Variants in SMARCA4 observed in about 807,000 individuals in gnomAD.
SMARCA4 encodes the protein SWI/SNF related BAF chromatin remodeling complex subunit ATPase 4.
Under a neutral mutation model 193.9 loss-of-function variants are expected in SMARCA4, and 31 were observed. The ratio of observed to expected loss-of-function variants is 0.16; its 90% CI spans 0.12 to 0.22. The LOEUF (loss-of-function observed/expected upper bound fraction) is 0.22, where lower values mean the gene tolerates loss of function less well. Among genes scored for constraint, SMARCA4 ranks in the 10% least tolerant of loss-of-function variants. SMARCA4 has a pLI of 1.00. For synonymous variants in SMARCA4, 942 were observed against 933.1 expected, an observed-to-expected ratio of 1.01 and a Z score of -0.17; for missense variants, 1,148 against 2,296.0, an observed-to-expected ratio of 0.50 and a Z score of 10.22.
At chr19:11,025,137 G>GACTCTGCCTC (rs2090160231) in intron 21 of SMARCA4, among the ~76,000 whole-genome samples, 1 of 152,172 alleles carries the variant, frequency 6.6e-6, no homozygotes, top group East Asian at 1.9e-4. Context: ...AAGCATCGGG[G>GACTCTGCCTC]ACTCTGCCTC....
chr19:10,981,324 A>G (rs1279833977), intron 1 of SMARCA4, among the ~76,000 whole-genome samples: 1 of 152,214 alleles, frequency 6.6e-6, no homozygotes, highest in Non-Finnish European at 1.5e-5. Flanking sequence ...CCCTGCAGAC[A>G]TACCCATGGA....
intron 14 of SMARCA4, among the ~76,000 whole-genome samples, chr19:11,008,572 G>T (rs1214154204): frequency 1.3e-5 from 2 of 152,136 alleles, no homozygotes; most frequent in Non-Finnish European, 2.9e-5. Flanking sequence ...CTGTCCTTTG[G>T]TGACAAGCGT....
chr19:10,993,336 C>T (rs922070147), intron 8 of SMARCA4, among the ~76,000 whole-genome samples: 1 of 152,236 alleles, frequency 6.6e-6, no homozygotes, highest in African/African-American at 2.4e-5. Flanking sequence ...GATGTCTACA[C>T]TGTATTCCAT....
Position 11,058,269 on chromosome 19 carries a change from A to G in SMARCA4, c.4439A>G (p.Gln1480Arg). The G allele has an allele frequency of 6.2e-7, 1 of 1,612,684 alleles. No homozygotes were observed. Among genetic ancestry groups the G allele is most frequent in the Non-Finnish European group, 8.5e-7 (1 of 1,179,752 alleles). ...IKYKDSSSGR[Q>R]LSEVFIQLPS... ...CTGCCTTGCAGCAGCAGTGGACGTCAGCTCAGCGAGGTCTTCATCCAGCTG... is the reference window on the plus strand; with the variant it reads ...CTGCCTTGCAGCAGCAGTGGACGTCGGCTCAGCGAGGTCTTCATCCAGCTG... Residue 1480 changes from glutamine (Q) to arginine (R), a missense_variant, in exon 31 of 35, where the codon CAG becomes CGG. Transcript: ENST00000344626. This position sits in a 1 kb window ranked among gnomAD's most constrained non-coding sequence, Gnocchi z 5.8.
rs1234141614 is a variant in SMARCA4 at position 11,031,847 on chromosome 19, A to G, written c.3546+954A>G. 1 of 152,266 alleles carries G rather than the reference A, an allele frequency of 6.6e-6. No individual in the cohort carries two copies. Among genetic ancestry groups the G allele is most frequent in the Non-Finnish European group, 1.5e-5 (1 of 68,086 alleles). 9.4% of individuals were successfully genotyped at this position (152,266 alleles called of 1,614,324 possible). Reference sequence around the variant, plus strand: ...CAGACATGGGGTCGCTCCACCCCAGACATTGTCCTCTTCGTGTTCTGGTTG... The same window carrying G: ...CAGACATGGGGTCGCTCCACCCCAGGCATTGTCCTCTTCGTGTTCTGGTTG... On this transcript the variant is annotated intron_variant, in intron 25 of 34. Transcript: ENST00000344626. The surrounding 1 kb of genome is among the most constrained non-coding windows in gnomAD (Gnocchi z 4.3).
intron 15 of SMARCA4, chr19:11,011,910 G>A (rs1390555148): frequency 2.0e-5 from 3 of 152,252 alleles, no homozygotes; most frequent in African/African-American, 7.2e-5. Context: ...GGTCAGAAAT[G>A]GAGCAGGTCA....
chr19:10,978,634 C>A (rs1338197323), intron 1 of SMARCA4, among the ~76,000 whole-genome samples: 3 of 150,652 alleles, frequency 2.0e-5, no homozygotes, highest in African/African-American at 4.9e-5. Context: ...CCGATACTTT[C>A]TACTTTTTAA....
Position 11,019,870 on chromosome 19 carries a change from G to A in SMARCA4, c.2616+169G>A, listed in dbSNP as rs1224176720. Among the ~76,000 whole-genome samples, 1 of 152,220 alleles carries A rather than the reference G, an allele frequency of 6.6e-6. No homozygotes were observed. Among genetic ancestry groups the A allele is most frequent in the African/African-American group, 2.4e-5 (1 of 41,464 alleles). On this transcript the variant is annotated intron_variant, in intron 18 of 34. Transcript: ENST00000344626. This position sits in a 1 kb window ranked among gnomAD's most constrained non-coding sequence, Gnocchi z 6.1. The stretch of plus-strand genomic sequence containing the variant: ...AAAGGCCTAGGTGGGGGCGACCTCA[G>A]GTTTACCTCCCTAACTGTCTCCAGG...
rs769607050 is a variant in SMARCA4 at position 10,986,202 on chromosome 19, C to T, written c.369C>T (p.Pro123=). The change falls in exon 4 of 35, where the codon CCC becomes CCT. Residue 123 remains proline (P), a synonymous_variant. Coordinates refer to ENST00000344626, the MANE Select transcript of SMARCA4 (RefSeq NM_003072.5). The surrounding 1 kb of genome is among the most constrained non-coding windows in gnomAD (Gnocchi z 6.7). ...MDQHSQGYPS[P]LGGSEHASSP... is the part of the protein sequence containing the mutation. ...CTTTCTCTGCAGGTTACCCCTCGCC[C>T]CTGGGTGGCTCTGAGCATGCCTCTA... The T allele has an allele frequency of 1.9e-6, 3 of 1,613,868 alleles. No homozygotes were observed. Among genetic ancestry groups the T allele is most frequent in the Non-Finnish European group, 2.5e-6 (3 of 1,179,990 alleles).
intron 13 of SMARCA4, 90 bp downstream of exon 13, chr19:11,003,487 T>A (rs1016021661): frequency 2.4e-6 from 3 of 1,260,752 alleles, no homozygotes; most frequent in Non-Finnish European, 3.5e-6. Flanking sequence ...CTGCCCTGGC[T>A]GGGCATCTTG....
chr19:10,990,409 G>A (rs985517314), intron 7 of SMARCA4, among the ~76,000 whole-genome samples: 4 of 152,156 alleles, frequency 2.6e-5, no homozygotes, highest in Admixed American at 6.6e-5. Flanking sequence ...CTCCTGAGTA[G>A]CTGGGATTAC....
chr19:10,990,333 C>T (rs1199502800), intron 7 of SMARCA4, among the ~76,000 whole-genome samples: 1 of 151,948 alleles, frequency 6.6e-6, no homozygotes, highest in African/African-American at 2.4e-5. Context: ...TTTTGAAGTG[C>T]AGTGGCACAA....
intron 30 of SMARCA4, among the ~76,000 whole-genome samples, chr19:11,049,493 T>G (rs369274526): frequency 0.19 from 28,293 of 151,458 alleles, 3,087 homozygotes; most frequent in Non-Finnish European, 0.25. Flanking sequence ...GTGTTTTTTT[T>G]TTTTTTTTTG....
In SMARCA4 at chr19:10,991,156, C is replaced by T; in HGVS notation, c.1252C>T (p.Gln418Ter). ...RLLNFQRQLR[Q>*]EVVVCMRRDT... Reference sequence around the variant, plus strand: ...GTCCTCTTCCCTCCTACAGCTGCGCCAGGAGGTGGTGGTGTGCATGCGGAG... The same window carrying T: ...GTCCTCTTCCCTCCTACAGCTGCGCTAGGAGGTGGTGGTGTGCATGCGGAG... Residue 418 changes from glutamine to a stop codon, truncating the protein, a stop_gained, in exon 8 of 35, where the codon CAG becomes TAG. Coordinates refer to ENST00000344626, the MANE Select transcript of SMARCA4 (RefSeq NM_003072.5). LOFTEE classifies it high-confidence loss of function. The T allele has an allele frequency of 6.2e-7, 1 of 1,613,530 alleles. No individual in the cohort carries two copies. The highest frequency in any genetic ancestry group is 8.5e-7 in the Non-Finnish European group (1 of 1,179,826).
chr19:10,996,629 A>G (rs2145986074), intron 11 of SMARCA4, 85 bp downstream of exon 11: 1 of 1,295,726 alleles, frequency 7.7e-7, no homozygotes. Flanking sequence ...GTGTTCTTTT[A>G]AAATTACGAA....
rs1244118772 is a variant in SMARCA4 at position 11,022,025 on chromosome 19, T to C, written c.2859+58T>C. On this transcript the variant is annotated intron_variant, in intron 19 of 34. Coordinates refer to ENST00000344626, the MANE Select transcript of SMARCA4 (RefSeq NM_003072.5). ...TTCCAGGTGCGGCTGGCTTTGCTGG[T>C]TGGAACGTGTTGAGCACCAGCTACA... 5.7e-5 allele frequency: 92 copies of C among 1,608,486 alleles called. 2 individuals are homozygous for C. In the South Asian group the frequency reaches 1.0e-3, roughly 18 times the overall value.
In SMARCA4 at chr19:11,033,116, A is replaced by G. The variant is rs185779935; in HGVS notation, c.3547-174A>G. 4 of 680,318 alleles carry G rather than the reference A, an allele frequency of 5.9e-6. No homozygotes were observed. The Admixed American group carries it at 8.1e-5, about 14-fold the overall frequency. The allele number at this position is 680,318 out of a possible 1,614,324, so 42.1% of individuals were successfully genotyped here. On this transcript the variant is annotated intron_variant, in intron 25 of 34. Coordinates refer to ENST00000344626, the MANE Select transcript of SMARCA4 (RefSeq NM_003072.5). This position sits in a 1 kb window ranked among gnomAD's most constrained non-coding sequence, Gnocchi z 9.8. ...AGAGTCCCCTTCCCCCGAGGGACAC[A>G]TGGCGGCCCAGGCTCCACCAGCTCT...
At chr19:11,004,021 T>G (rs1032047583) in intron 13 of SMARCA4, among the ~76,000 whole-genome samples, 3 of 151,690 alleles carry the variant, frequency 2.0e-5, no homozygotes, top group Non-Finnish European at 4.4e-5. Context: ...TTATGATTTT[T>G]TTGTTGTTGT....
At chr19:10,992,466 C>T (rs1172263678) in intron 8 of SMARCA4, among the ~76,000 whole-genome samples, 14 of 146,938 alleles carry the variant, frequency 9.5e-5, no homozygotes, top group African/African-American at 3.5e-4. Context: ...CTCTTGTCAC[C>T]CGGACTGGAG....
Sources: allele counts gnomAD v4.1 joint callset (sites outside exome capture counted in the v4.1 genomes callset), GRCh38; gene constraint gnomAD v4.1.1; non-coding constraint Gnocchi (gnomAD v3.1); transcripts MANE v1.5; gene names NCBI Gene and HGNC (gene_info 2026-07-23, HGNC 2026-07-21).